The following NLGN1 variants were observed in gnomAD, a reference collection of about 807,000 sequenced individuals.
NLGN1 encodes the protein neuroligin-1.
A neutral mutation model predicts 65.5 loss-of-function variants in NLGN1; 12 were observed. That is an observed-to-expected ratio of 0.18 (90% CI 0.12 to 0.30). The LOEUF (loss-of-function observed/expected upper bound fraction) is 0.30. Among genes scored for constraint, NLGN1 ranks in the 10% least tolerant of loss-of-function variants. NLGN1 has a pLI of 1.00. For missense variants in NLGN1, 750 were observed against 1,007.1 expected, an observed-to-expected ratio of 0.74 and a Z score of 3.46; for synonymous variants, 350 against 359.5, an observed-to-expected ratio of 0.97 and a Z score of 0.30.
intron 4 of NLGN1, among the ~76,000 whole-genome samples, chr3:174,160,174 GT>G (rs1232081149): frequency 6.6e-6 from 1 of 151,480 alleles, no homozygotes; most frequent in Non-Finnish European, 1.5e-5. Context: ...ATTTCAAATA[GT>G]TTCACACTCA....
intron 3 of NLGN1, among the ~76,000 whole-genome samples, chr3:173,762,093 T>G (rs1778045332): frequency 1.3e-5 from 2 of 152,116 alleles, no homozygotes; most frequent in South Asian, 4.1e-4. Context: ...ATTATTTCAT[T>G]TAGTTCTTCC....
chr3:174,066,554 C>G (rs879318258), intron 4 of NLGN1, among the ~76,000 whole-genome samples: 16,964 of 131,636 alleles, frequency 0.13, 1,159 homozygotes, highest in African/African-American at 0.17. Flanking sequence ...CTCTCTCTCT[C>G]TCTCTCTCTC....
chr3:174,211,958 G>A (rs367899744), intron 4 of NLGN1, among the ~76,000 whole-genome samples: 5 of 152,186 alleles, frequency 3.3e-5, no homozygotes, highest in African/African-American at 9.6e-5. Flanking sequence ...TGCCAGTCCC[G>A]CGCCATGCGC....
intron 3 of NLGN1, among the ~76,000 whole-genome samples, chr3:173,694,099 G>A (rs1765852909): frequency 6.6e-6 from 1 of 152,164 alleles, no homozygotes; most frequent in South Asian, 2.1e-4. Flanking sequence ...AGAGAGCAAT[G>A]AGACCGACCA....
chr3:173,648,751 T>A (rs746459564), intron 3 of NLGN1, among the ~76,000 whole-genome samples: 1 of 152,094 alleles, frequency 6.6e-6, no homozygotes, highest in African/African-American at 2.4e-5. Flanking sequence ...ATTTTTGTAT[T>A]TTTAGTAGAG....
chr3:173,414,181 A>G (rs984906963), intron 1 of NLGN1, among the ~76,000 whole-genome samples: 3 of 152,206 alleles, frequency 2.0e-5, no homozygotes, highest in African/African-American at 7.2e-5. Context: ...ATTTCAAGCT[A>G]TGTCTGCAAG....
intron 2 of NLGN1, among the ~76,000 whole-genome samples, chr3:173,528,434 T>C (rs1380825782): frequency 6.6e-6 from 1 of 152,172 alleles, no homozygotes; most frequent in African/African-American, 2.4e-5. Flanking sequence ...TCATCTAGTA[T>C]AGTAACATCC....
At chr3:173,716,180 T>C (rs1030591047) in intron 3 of NLGN1, among the ~76,000 whole-genome samples, 2 of 152,156 alleles carry the variant, frequency 1.3e-5, no homozygotes, top group African/African-American at 4.8e-5. Flanking sequence ...ATTTGCACGT[T>C]CAGGAAAGCG....
chr3:173,608,243 C>T (rs191161447), intron 3 of NLGN1, among the ~76,000 whole-genome samples: 1 of 151,982 alleles, frequency 6.6e-6, no homozygotes, highest in East Asian at 1.9e-4. Context: ...AAACGGGTCC[C>T]AGTTGTACTT....
At chr3:173,704,832 T>C (rs953329) in intron 3 of NLGN1, among the ~76,000 whole-genome samples, 6 of 152,066 alleles carry the variant, frequency 3.9e-5, no homozygotes, top group Non-Finnish European at 7.4e-5. Flanking sequence ...GAAGTTACAG[T>C]AAATCCTATT....
At chr3:174,165,698 G>A (rs73048211) in intron 4 of NLGN1, among the ~76,000 whole-genome samples, 2,291 of 152,106 alleles carry the variant, frequency 0.015, 57 homozygotes, top group African/African-American at 0.052. Context: ...GTATCATGGT[G>A]AGTCTGGCCT....
rs116144300 is a variant in NLGN1, at chr3:173,989,446, A to G, written c.646+181614A>G. Among the ~76,000 whole-genome samples, 400 of 152,170 alleles carry G rather than the reference A, an allele frequency of 2.6e-3. 2 individuals are homozygous for G. Among genetic ancestry groups the G allele is most frequent in the African/African-American group, 7.1e-3 (293 of 41,522 alleles). ...AAGTCAGGGTTTATTTTTCTTTCTG[A>G]TGTTTCTTTTTCTATACTTCCATGT... On this transcript the variant is annotated intron_variant, in intron 4 of 6. Transcript: ENST00000457714.
intron 4 of NLGN1, among the ~76,000 whole-genome samples, chr3:173,875,648 A>G (rs1450022029): frequency 6.6e-6 from 1 of 152,200 alleles, no homozygotes; most frequent in Non-Finnish European, 1.5e-5. Flanking sequence ...AGAAAATATT[A>G]TGATTTTAAA....
chr3:173,785,496 G>GTGGGCA (rs1327631760), intron 3 of NLGN1, among the ~76,000 whole-genome samples: 13 of 152,066 alleles, frequency 8.5e-5, no homozygotes, highest in African/African-American at 2.9e-4. Context: ...AGATAGTAGG[G>GTGGGCA]TGGGCATTTT....
At chr3:173,845,073 C>T (rs946958512) in intron 4 of NLGN1, among the ~76,000 whole-genome samples, 1 of 152,156 alleles carries the variant, frequency 6.6e-6, no homozygotes. Flanking sequence ...TATCAATGAC[C>T]TTAAAAGATA....
chr3:174,228,932 T>G (rs2152814834), intron 4 of NLGN1, among the ~76,000 whole-genome samples: 1 of 152,208 alleles, frequency 6.6e-6, no homozygotes, highest in East Asian at 1.9e-4. Context: ...GGCTACAGTA[T>G]CATATTCCCA....
At chr3:174,008,815 G>A (rs1224705315) in intron 4 of NLGN1, among the ~76,000 whole-genome samples, 3 of 37,546 alleles carry the variant, frequency 8.0e-5, no homozygotes, top group African/African-American at 2.7e-4. Context: ...AGTGTTTCTT[G>A]GAAAGAGATT....
chr3:173,579,351 C>T (rs575491961), intron 2 of NLGN1, among the ~76,000 whole-genome samples: 31 of 152,306 alleles, frequency 2.0e-4, no homozygotes, highest in African/African-American at 7.0e-4. Context: ...GGCATGGCGC[C>T]GGTATTCTCA....
At chr3:174,211,124 T>TA (rs748607079) in intron 4 of NLGN1, among the ~76,000 whole-genome samples, 2 of 152,176 alleles carry the variant, frequency 1.3e-5, no homozygotes, top group Non-Finnish European at 2.9e-5. Flanking sequence ...CAGTGAGTGT[T>TA]ACAGCTCATA....
Sources: allele counts gnomAD v4.1 joint callset (sites outside exome capture counted in the v4.1 genomes callset), GRCh38; gene constraint gnomAD v4.1.1; transcripts MANE v1.5; gene names NCBI Gene and HGNC (gene_info 2026-07-23, HGNC 2026-07-21).